Variants in AKR1E2 observed in about 807,000 individuals in gnomAD.
The protein encoded by AKR1E2 is 1,5-anhydro-D-fructose reductase.
Under a neutral mutation model 41.9 loss-of-function variants are expected in AKR1E2, and 43 were observed. The observed-to-expected ratio is 1.03, with a 90% confidence interval of 0.80 to 1.32. AKR1E2 has a LOEUF of 1.32. AKR1E2 is among the 40% of genes most tolerant of loss of function. The pLI is 0.00. For missense variants in AKR1E2, 423 were observed against 396.5 expected, an observed-to-expected ratio of 1.07 and a Z score of -0.57; for synonymous variants, 121 against 138.9, an observed-to-expected ratio of 0.87 and a Z score of 0.91.
At position 4,847,513 on chromosome 10, in the gene AKR1E2, T is replaced by G. The variant is rs1276005076; in HGVS notation, c.946T>G (p.Phe316Val). 1.9e-6 allele frequency: 3 copies of G among 1,613,896 alleles called. No individual in the cohort carries two copies. In the South Asian group the frequency reaches 3.3e-5, roughly 18 times the overall value. ...PITKNHKDYP[F>V]HIEY ...AACTAAAAATCACAAAGACTATCCT[T>G]TCCACATAGAATACTGAGGACGCTT... is the stretch of plus-strand genomic sequence containing the variant. Residue 316 changes from phenylalanine (F) to valine (V), a missense_variant, in exon 10 of 10, where the codon TTC becomes GTC. Transcript: ENST00000298375.
At chr10:4,872,204 T>C in the AKR1E2 span, among the ~76,000 whole-genome samples, 14 of 152,230 alleles carry the variant, frequency 9.2e-5, no homozygotes, top group African/African-American at 3.4e-4. Context: ...CTTGAGGAGA[T>C]AAACTATTTG....
chr10:4,857,912 G>C, the AKR1E2 span, among the ~76,000 whole-genome samples: 1 of 151,660 alleles, frequency 6.6e-6, no homozygotes, highest in South Asian at 2.1e-4. Context: ...TTTCAATTTT[G>C]TTGACCTTTT....
intron 4 of AKR1E2, 60 bp from the exon 5 acceptor site, chr10:4,837,399 A>G: frequency 1.3e-6 from 2 of 1,592,318 alleles, no homozygotes; most frequent in Non-Finnish European, 1.7e-6. Flanking sequence ...CTGCTGAGGG[A>G]CGTAGATTGT....
the AKR1E2 span, among the ~76,000 whole-genome samples, chr10:4,865,488 G>A: frequency 6.6e-6 from 1 of 152,086 alleles, no homozygotes; most frequent in African/African-American, 2.4e-5. Context: ...TAAAGTAAAT[G>A]AACAGGTAAT....
At chr10:4,827,179 C>T (rs1043852846) in intron 1 of AKR1E2, among the ~76,000 whole-genome samples, 1 of 152,078 alleles carries the variant, frequency 6.6e-6, no homozygotes, top group Non-Finnish European at 1.5e-5. Context: ...GCAACCTGCC[C>T]TGATGCCTGA....
At chr10:4,844,033 C>A (rs1211787208) in intron 8 of AKR1E2, among the ~76,000 whole-genome samples, 1 of 152,350 alleles carries the variant, frequency 6.6e-6, no homozygotes, top group Non-Finnish European at 1.5e-5. Flanking sequence ...GGCATCTGCT[C>A]CACATGGTGT....
chr10:4,868,797 G>A, the AKR1E2 span, among the ~76,000 whole-genome samples: 33,160 of 152,092 alleles, frequency 0.22, 3,832 homozygotes, highest in Middle Eastern at 0.33. Flanking sequence ...ATATGATCAT[G>A]TGACTTTCTT....
the AKR1E2 span, among the ~76,000 whole-genome samples, chr10:4,860,768 G>T: frequency 2.8e-4 from 43 of 152,278 alleles, no homozygotes; most frequent in African/African-American, 1.0e-3. Context: ...CAAAGCAATG[G>T]TATGAATATG....
chr10:4,857,783 G>T, the AKR1E2 span, among the ~76,000 whole-genome samples: 1 of 151,986 alleles, frequency 6.6e-6, no homozygotes, highest in African/African-American at 2.4e-5. Context: ...TAACTTGCTG[G>T]CATACAACTT....
At chr10:4,853,401 G>A in the AKR1E2 span, among the ~76,000 whole-genome samples, 1 of 147,156 alleles carries the variant, frequency 6.8e-6, no homozygotes, top group East Asian at 2.1e-4. Flanking sequence ...ACAGTAGTTT[G>A]TTTAAGGTTA....
chr10:4,845,125 G>T (rs1175800528), intron 8 of AKR1E2, among the ~76,000 whole-genome samples: 1 of 152,166 alleles, frequency 6.6e-6, no homozygotes, highest in South Asian at 2.1e-4. Flanking sequence ...CACTGCTGGG[G>T]GACCTAGCAC....
chr10:4,832,331 T>C (rs1833032618), intron 2 of AKR1E2, among the ~76,000 whole-genome samples: 1 of 152,246 alleles, frequency 6.6e-6, no homozygotes, highest in African/African-American at 2.4e-5. Context: ...TGTTTTACTT[T>C]ATGGAAGTTA....
Position 4,847,555 on chromosome 10 carries a change from G to T in AKR1E2, c.*25G>T. On this transcript the variant is annotated 3_prime_UTR_variant, in exon 10 of 10. Transcript: ENST00000298375. Reference sequence around the variant, plus strand: ...AGGACGCTTCCCCTTCCTTGTTTCTGCTCAGCCCAGATGCACAGACACTAT... The same window carrying T: ...AGGACGCTTCCCCTTCCTTGTTTCTTCTCAGCCCAGATGCACAGACACTAT... 6.2e-7 allele frequency: 1 copy of T among 1,611,998 alleles called. No homozygotes were observed. Among genetic ancestry groups the T allele is most frequent in the South Asian group, 1.1e-5 (1 of 90,834 alleles).
chr10:4,835,947 T>C lies in AKR1E2; in HGVS notation c.459+138T>C, dbSNP rs1489568559. The C allele has an allele frequency of 8.1e-6, 10 of 1,241,682 alleles. No individual in the cohort carries two copies. The East Asian group carries it at 2.5e-4, about 31-fold the overall frequency. The allele number at this position is 1,241,682 out of a possible 1,614,324, so 76.9% of individuals were successfully genotyped here. On this transcript the variant is annotated intron_variant, in intron 4 of 9. Transcript: ENST00000298375. The stretch of plus-strand genomic sequence containing the variant: ...TGGGGTTTGTGGAGCAAAAAAGGAA[T>C]CAATACCCGAAGAACTCAGAGACCT...
intron 5 of AKR1E2, 71 bp downstream of exon 5, chr10:4,837,652 C>T: frequency 1.3e-6 from 2 of 1,566,056 alleles, no homozygotes; most frequent in Non-Finnish European, 1.7e-6. Flanking sequence ...CCACAGGGCT[C>T]TTCTGGAAAT....
At position 4,847,953 on chromosome 10, in the gene AKR1E2, C is replaced by T. The variant is rs752534; in HGVS notation, c.*423C>T. ...TTCCTTCTGTGCCCTGCCAGTGACC[C>T]CCAGGTTATTCTAAAGCAGAGTCCT... is the stretch of plus-strand genomic sequence containing the variant. On this transcript the variant is annotated 3_prime_UTR_variant, in exon 10 of 10. Coordinates refer to ENST00000298375, the MANE Select transcript of AKR1E2 (RefSeq NM_001040177.3). The T allele has an allele frequency of 0.1, 17,165 of 168,810 alleles. 994 individuals carry two copies. The highest frequency in any genetic ancestry group is 0.14 in the Middle Eastern group (52 of 366). The allele number at this position is 168,810 out of a possible 1,614,324, so 10.5% of individuals were successfully genotyped here.
downstream of AKR1E2, among the ~76,000 whole-genome samples, chr10:4,852,903 C>T (rs1834558573): frequency 6.6e-6 from 1 of 152,120 alleles, no homozygotes; most frequent in African/African-American, 2.4e-5. Context: ...CTCACATGGT[C>T]TTCCTTCTGT....
At chr10:4,852,272 A>G (rs1463746314), downstream of AKR1E2, among the ~76,000 whole-genome samples, 1 of 152,204 alleles carries the variant, frequency 6.6e-6, no homozygotes, top group Non-Finnish European at 1.5e-5. Flanking sequence ...GGAAACAGCA[A>G]TTTCTTGGCT....
At chr10:4,831,304 G>C (rs961362957) in intron 2 of AKR1E2, among the ~76,000 whole-genome samples, 2 of 152,214 alleles carry the variant, frequency 1.3e-5, no homozygotes, top group African/African-American at 2.4e-5. Context: ...AGGTGCAGGG[G>C]TTTGTAGGAA....
Sources: allele counts gnomAD v4.1 joint callset (sites outside exome capture counted in the v4.1 genomes callset), GRCh38; gene constraint gnomAD v4.1.1; transcripts MANE v1.5; gene names NCBI Gene and HGNC (gene_info 2026-07-23, HGNC 2026-07-21).